MMP7: variants seen among roughly 807,000 people sequenced by gnomAD.
The protein encoded by MMP7 is matrilysin.
In MMP7, 26 loss-of-function variants were observed where a neutral mutation model predicts 31.5. That is an observed-to-expected ratio of 0.83 (90% CI 0.61 to 1.15). MMP7 has a LOEUF of 1.15. Among genes scored for constraint, MMP7 ranks in the 50% most tolerant of loss-of-function variants. MMP7 has a pLI of 0.00. For synonymous variants in MMP7, 142 were observed against 124.2 expected, an observed-to-expected ratio of 1.14 and a Z score of -0.95; for missense variants, 367 against 326.5, an observed-to-expected ratio of 1.12 and a Z score of -0.96.
At chr11:102,528,240 G>T (rs1337266515) in intron 1 of MMP7, among the ~76,000 whole-genome samples, 1 of 152,144 alleles carries the variant, frequency 6.6e-6, no homozygotes, top group Non-Finnish European at 1.5e-5. Context: ...TAAATGTTTT[G>T]GGGAGAATTA....
chr11:102,530,369 A>G (rs534141786), intron 1 of MMP7, among the ~76,000 whole-genome samples: 3 of 152,336 alleles, frequency 2.0e-5, no homozygotes, highest in Middle Eastern at 3.4e-3. Flanking sequence ...GAGTCTATCT[A>G]CATAGTGAGT....
chr11:102,521,088 G>A (rs1227514993), intron 5 of MMP7, among the ~76,000 whole-genome samples: 2 of 152,180 alleles, frequency 1.3e-5, no homozygotes, highest in Non-Finnish European at 2.9e-5. Context: ...CTTAGCATCA[G>A]ATTACAAATC....
chr11:102,525,132 G>T, intron 3 of MMP7, 68 bp from the exon 4 acceptor site: 1 of 1,544,954 alleles, frequency 6.5e-7, no homozygotes, highest in South Asian at 1.2e-5. Context: ...TTATTTTTCA[G>T]TTTATACGAT....
chr11:102,523,420 C>A lies in MMP7; in HGVS notation c.614-19G>T, dbSNP rs749316013. ...TTAATCCCTACAACCGAAGAAGTGA[C>A]AAACAGTAATGATAAAAATAGCTAC... On this transcript the variant is annotated intron_variant, in intron 4 of 5. Transcript: ENST00000260227. The A allele has an allele frequency of 4.5e-6, 7 of 1,554,108 alleles. No homozygotes were observed. In the South Asian group the frequency reaches 5.2e-5, roughly 12 times the overall value.
chr11:102,528,155 A>G (rs1340250248), intron 1 of MMP7, among the ~76,000 whole-genome samples, 172 bp from the exon 2 acceptor site: 4 of 152,246 alleles, frequency 2.6e-5, no homozygotes, highest in African/African-American at 9.6e-5. Flanking sequence ...AGAAAATTTA[A>G]TATTGCTAAT....
At chr11:102,524,247 CT>C (rs1858644442) in intron 4 of MMP7, 1 of 152,156 alleles carries the variant, frequency 6.6e-6, no homozygotes, top group African/African-American at 2.4e-5. Flanking sequence ...TGGTGAATTC[CT>C]TTTGCCAAAC....
chr11:102,522,336 C>A (rs1447363018), intron 5 of MMP7, among the ~76,000 whole-genome samples: 1 of 152,166 alleles, frequency 6.6e-6, no homozygotes, highest in African/African-American at 2.4e-5. Context: ...CTTAAGTGAT[C>A]TTTTTGCAGT....
At chr11:102,526,634 G>A (rs924773856) in intron 3 of MMP7, among the ~76,000 whole-genome samples, 1 of 152,100 alleles carries the variant, frequency 6.6e-6, no homozygotes, top group Non-Finnish European at 1.5e-5. Context: ...CCACTTCTCA[G>A]GGGACTCTTG....
In MMP7 at chr11:102,525,076, T is replaced by C. The variant is rs1858654883; in HGVS notation, c.485-12A>G. The C allele has an allele frequency of 6.3e-7, 1 of 1,589,078 alleles. No individual in the cohort carries two copies. The highest frequency in any genetic ancestry group is 8.5e-7 in the Non-Finnish European group (1 of 1,171,622). ...GGAGTCCCCATGAGCTGAAAGAAAATGGAGTGATTGTTCTTAGTGACTGAT... is the reference window on the plus strand; with the variant it reads ...GGAGTCCCCATGAGCTGAAAGAAAACGGAGTGATTGTTCTTAGTGACTGAT... On this transcript the variant is annotated splice_polypyrimidine_tract_variant and intron_variant, in intron 3 of 5. Transcript: ENST00000260227.
intron 4 of MMP7, among the ~76,000 whole-genome samples, chr11:102,524,112 A>G (rs1271186297): frequency 2.0e-5 from 3 of 152,218 alleles, no homozygotes; most frequent in Non-Finnish European, 4.4e-5. Flanking sequence ...GTTGCATTGA[A>G]TTGAAGGAAG....
intron 4 of MMP7, 111 bp downstream of exon 4, chr11:102,524,825 G>A (rs1195932423): frequency 8.2e-7 from 1 of 1,221,950 alleles, no homozygotes; most frequent in Non-Finnish European, 1.1e-6. Flanking sequence ...TACAGTGTTT[G>A]GCACTTAGCA....
chr11:102,524,922 A>G lies in MMP7; in HGVS notation c.613+14T>C, dbSNP rs755882359. On this transcript the variant is annotated intron_variant, in intron 4 of 5. Coordinates refer to ENST00000260227, the MANE Select transcript of MMP7 (RefSeq NM_002423.5). The stretch of plus-strand genomic sequence containing the variant: ...AAAACGGATGTGGAGTAGAAGAGAC[A>G]TGAGATGCTATACCTAGACTGCTAC... 1.2e-6 allele frequency: 2 copies of G among 1,610,304 alleles called. No homozygotes were observed. The highest frequency in any genetic ancestry group is 3.4e-5 in the Admixed American group (2 of 59,208).
At chr11:102,526,225 A>AAATAT (rs1555069373) in intron 3 of MMP7, among the ~76,000 whole-genome samples, 19 of 128,020 alleles carry the variant, frequency 1.5e-4, no homozygotes, top group African/African-American at 4.6e-4. Flanking sequence ...AAAAAAAAAA[A>AAATAT]ATATATATAT....
chr11:102,529,303 T>C (rs538671546), intron 1 of MMP7, among the ~76,000 whole-genome samples: 1 of 152,340 alleles, frequency 6.6e-6, no homozygotes, highest in East Asian at 1.9e-4. Context: ...GATCCTTTAT[T>C]TAAAAACAAA....
At chr11:102,521,993 G>T (rs1372282342) in intron 5 of MMP7, among the ~76,000 whole-genome samples, 1 of 152,194 alleles carries the variant, frequency 6.6e-6, no homozygotes, top group African/African-American at 2.4e-5. Context: ...TGAAGTGCTA[G>T]TTTATGGGAC....
intron 4 of MMP7, chr11:102,524,146 G>C (rs1289507586): frequency 3.3e-5 from 5 of 152,136 alleles, no homozygotes; most frequent in Non-Finnish European, 5.9e-5. Context: ...ACCTTAAGTG[G>C]GAAGAAAGAA....
intron 1 of MMP7, among the ~76,000 whole-genome samples, chr11:102,528,265 T>C (rs1171784158): frequency 6.6e-6 from 1 of 152,176 alleles, no homozygotes; most frequent in Non-Finnish European, 1.5e-5. Context: ...GTACACTTTA[T>C]AAAGCCTAGA....
intron 4 of MMP7, chr11:102,524,221 G>A (rs193039764): frequency 6.6e-6 from 1 of 152,270 alleles, no homozygotes; most frequent in Admixed American, 6.5e-5. Flanking sequence ...GATTTTCACA[G>A]CAAGACAGCA....
At chr11:102,527,423 A>G in intron 3 of MMP7, 101 bp downstream of exon 3, 1 of 1,353,306 alleles carries the variant, frequency 7.4e-7, no homozygotes, top group Non-Finnish European at 1.1e-6. Flanking sequence ...TACCAATCAT[A>G]TCTCATTAAA....
Sources: allele counts gnomAD v4.1 joint callset (sites outside exome capture counted in the v4.1 genomes callset), GRCh38; gene constraint gnomAD v4.1.1; transcripts MANE v1.5; gene names NCBI Gene and HGNC (gene_info 2026-07-23, HGNC 2026-07-21).